CLEC16A: variants seen among roughly 807,000 people sequenced by gnomAD.
CLEC16A encodes protein CLEC16A.
Under a neutral mutation model 109.5 loss-of-function variants are expected in CLEC16A, and 51 were observed. That is an observed-to-expected ratio of 0.47 (90% CI 0.37 to 0.59). The LOEUF (loss-of-function observed/expected upper bound fraction) is 0.59, where lower values mean the gene tolerates loss of function less well. CLEC16A is among the 20% of genes least tolerant of loss of function. CLEC16A has a pLI of 0.00. For synonymous variants in CLEC16A, 673 were observed against 564.2 expected, an observed-to-expected ratio of 1.19 and a Z score of -2.73; for missense variants, 1,339 against 1,394.0, an observed-to-expected ratio of 0.96 and a Z score of 0.63.
intron 22 of CLEC16A, among the ~76,000 whole-genome samples, chr16:11,129,907 C>T (rs1303484311): frequency 3.3e-5 from 5 of 152,038 alleles, no homozygotes; most frequent in Admixed American, 6.5e-5. Flanking sequence ...GTACTACAGG[C>T]GCCCACCACC....
intron 20 of CLEC16A, among the ~76,000 whole-genome samples, chr16:11,121,761 T>G (rs973532503): frequency 1.3e-5 from 2 of 150,686 alleles, no homozygotes; most frequent in Admixed American, 1.3e-4. Context: ...GCACCTGTAA[T>G]CCCAGCTACC....
At chr16:11,137,287 G>A (rs2053613525) in intron 22 of CLEC16A, among the ~76,000 whole-genome samples, 1 of 151,980 alleles carries the variant, frequency 6.6e-6, no homozygotes, top group African/African-American at 2.4e-5. Flanking sequence ...GCCCCTTTAT[G>A]GCAGAAAACC....
chr16:11,138,589 G>A (rs1222904512), intron 22 of CLEC16A, among the ~76,000 whole-genome samples: 1 of 152,204 alleles, frequency 6.6e-6, no homozygotes, highest in Non-Finnish European at 1.5e-5. Flanking sequence ...GTCAGGTGAT[G>A]CCCGTGGGCG....
chr16:11,136,663 C>T (rs554777021), intron 22 of CLEC16A, among the ~76,000 whole-genome samples: 62 of 152,350 alleles, frequency 4.1e-4, no homozygotes, highest in African/African-American at 1.4e-3. Flanking sequence ...GTTGGTAAAA[C>T]ACCGGGGTGT....
chr16:10,956,716 C>G (rs185603526), intron 1 of CLEC16A, among the ~76,000 whole-genome samples: 2 of 152,344 alleles, frequency 1.3e-5, no homozygotes, highest in East Asian at 3.9e-4. Context: ...TGGAAGGTGT[C>G]TACCTGTCTC....
intron 19 of CLEC16A, among the ~76,000 whole-genome samples, chr16:11,075,826 T>G (rs725613): frequency 0.42 from 63,729 of 151,846 alleles, 14,357 homozygotes; most frequent in African/African-American, 0.59. Flanking sequence ...TGTTTAGCAC[T>G]GTGCCTGGCG....
intron 15 of CLEC16A, among the ~76,000 whole-genome samples, chr16:11,043,318 G>A (rs768859007): frequency 3.9e-5 from 6 of 152,184 alleles, no homozygotes; most frequent in Non-Finnish European, 5.9e-5. Flanking sequence ...GCTGAGGCTG[G>A]AAGATTGCCT....
At chr16:10,991,718 C>G (rs1483654497) in intron 10 of CLEC16A, among the ~76,000 whole-genome samples, 1 of 152,214 alleles carries the variant, frequency 6.6e-6, no homozygotes, top group African/African-American at 2.4e-5. Flanking sequence ...GGGAATCAAA[C>G]ACATATCTCT....
intron 19 of CLEC16A, among the ~76,000 whole-genome samples, chr16:11,075,400 G>GTGTC (rs1555478864): frequency 0.028 from 3,858 of 135,908 alleles, 79 homozygotes; most frequent in East Asian, 0.054. Flanking sequence ...GTGTGTGTGT[G>GTGTC]TGTGTGTGTG....
chr16:11,133,840 T>C (rs893932520), intron 22 of CLEC16A, among the ~76,000 whole-genome samples: 1 of 152,182 alleles, frequency 6.6e-6, no homozygotes, highest in African/African-American at 2.4e-5. Context: ...CTCCAGCTTC[T>C]CCAGCCCGGT....
At chr16:11,098,205 G>A (rs1369404682) in intron 19 of CLEC16A, among the ~76,000 whole-genome samples, 1 of 152,222 alleles carries the variant, frequency 6.6e-6, no homozygotes, top group East Asian at 1.9e-4. Context: ...GGCAAACAAT[G>A]AGTTCTCAGT....
chr16:11,120,507 T>C, intron 19 of CLEC16A, 108 bp from the exon 20 acceptor site: 1 of 1,212,474 alleles, frequency 8.2e-7, no homozygotes, highest in Middle Eastern at 2.1e-4. Context: ...AGGCCTGGGC[T>C]CTAACCACTG....
intron 1 of CLEC16A, among the ~76,000 whole-genome samples, chr16:10,951,532 T>C (rs1475995876): frequency 6.6e-6 from 1 of 152,208 alleles, no homozygotes; most frequent in African/African-American, 2.4e-5. Context: ...TCTGCCTGGT[T>C]GTAACCTAGG....
intron 19 of CLEC16A, among the ~76,000 whole-genome samples, chr16:11,084,243 C>T (rs1019633260): frequency 6.6e-6 from 1 of 152,130 alleles, no homozygotes; most frequent in African/African-American, 2.4e-5. Flanking sequence ...ACTCTGCAGA[C>T]AGCTTACTTC....
chr16:10,990,229 A>G (rs2043921863), intron 10 of CLEC16A, among the ~76,000 whole-genome samples: 1 of 152,188 alleles, frequency 6.6e-6, no homozygotes, highest in African/African-American at 2.4e-5. Context: ...CTATCCCCTA[A>G]TCCCTCACTG....
At chr16:11,040,514 C>CTTTCTTTTTTTTTTTTTTTTTTTT (rs1268318578) in intron 14 of CLEC16A, 2 of 101,536 alleles carry the variant, frequency 2.0e-5, no homozygotes, top group African/African-American at 4.4e-5. Flanking sequence ...TTTTTCTTTT[C>CTTTCTTTTTTTTTTTTTTTTTTTT]TTTTTTTTTT....
chr16:11,076,928 G>C (rs1005120788), intron 19 of CLEC16A, among the ~76,000 whole-genome samples: 1 of 152,192 alleles, frequency 6.6e-6, no homozygotes, highest in Non-Finnish European at 1.5e-5. Flanking sequence ...AGGGAGATGG[G>C]TTCTATTCAG....
chr16:11,144,264 C>T (rs75271337), intron 22 of CLEC16A, among the ~76,000 whole-genome samples: 2,176 of 152,316 alleles, frequency 0.014, 64 homozygotes, highest in African/African-American at 0.05. Flanking sequence ...CCTCTTGGGG[C>T]GTCCCTGCAG....
At chr16:11,069,109 A>C (rs934088779) in intron 19 of CLEC16A, among the ~76,000 whole-genome samples, 4 of 151,876 alleles carry the variant, frequency 2.6e-5, no homozygotes, top group African/African-American at 9.7e-5. Flanking sequence ...CTGGGATTAC[A>C]GGCATGAGCC....
Sources: allele counts gnomAD v4.1 joint callset (sites outside exome capture counted in the v4.1 genomes callset), GRCh38; gene constraint gnomAD v4.1.1; transcripts MANE v1.5; gene names NCBI Gene and HGNC (gene_info 2026-07-23, HGNC 2026-07-21).